The following H3-5 variants were observed in gnomAD, a reference collection of about 807,000 sequenced individuals.
The protein encoded by H3-5 is H3.5 histone, also known as histone H3.3C.
In H3-5, 9 loss-of-function variants were observed where a neutral mutation model predicts 8.8. The observed-to-expected ratio is 1.03, with a 90% CI of 0.62 to 1.79. The LOEUF (loss-of-function observed/expected upper bound fraction) is 1.79, where lower values mean the gene tolerates loss of function less well. Among genes scored for constraint, H3-5 ranks in the 40% most tolerant of loss-of-function variants. The probability of loss-of-function intolerance (pLI) is 0.00; values close to 1 mark genes in which losing one functional copy is unlikely to be tolerated. For synonymous variants in H3-5, 82 were observed against 76.1 expected (o/e 1.08, Z -0.40); for missense variants, 173 against 183.8 (o/e 0.94, Z 0.34).
At position 31,792,250 on chromosome 12, in the gene H3-5, G is replaced by C; in HGVS notation, c.-84C>G. On this transcript the variant is annotated 5_prime_UTR_variant, in exon 1 of 1. Coordinates refer to ENST00000340398, the MANE Select transcript of H3-5 (RefSeq NM_001013699.3). ...CTGCCCGAGGAAGAGCCGCAGTCGCGAGCGAAGAACCGACACTGGTCCAAC... is the reference window on the plus strand; with the variant it reads ...CTGCCCGAGGAAGAGCCGCAGTCGCCAGCGAAGAACCGACACTGGTCCAAC... The C allele has an allele frequency of 2.0e-6, 3 of 1,525,672 alleles. No homozygotes were observed. The highest frequency in any genetic ancestry group is 2.7e-6 in the Non-Finnish European group (3 of 1,129,616). The allele number at this position is 1,525,672 out of a possible 1,614,324, so 94.5% of individuals were successfully genotyped here. A position where few individuals can be genotyped will look rare whatever the true frequency, so the allele number is the denominator to read the frequency against.
In H3-5 at chr12:31,791,784, C is replaced by T. The variant is rs1018998701; in HGVS notation, c.383G>A (p.Arg128His). The T allele has an allele frequency of 6.2e-7, 1 of 1,614,172 alleles. No individual in the cohort carries two copies. Among genetic ancestry groups the T allele is most frequent in the Non-Finnish European group, 8.5e-7 (1 of 1,180,032 alleles). ...TIMPKDIQLA[R>H]RIRGERA ...TTAAGCTCTCTCTCCCCGTATCCGG[C>T]GAGCCAACTGGATGTCTTTGGGCAT... Residue 128 changes from arginine to histidine, a missense_variant, in exon 1 of 1, where the codon CGC becomes CAC. Arg to His is a conservative substitution (Grantham distance 29). Coordinates refer to ENST00000340398, the MANE Select transcript of H3-5 (RefSeq NM_001013699.3).
rs959531675 is a variant in H3-5 at position 31,791,193 on chromosome 12, G to A, written c.*566C>T. Reference sequence around the variant, plus strand: ...ACAAGACTCCCCACCACTTGTGAATGTAAAACATTTAATTTGAAAATGTTG... The same window carrying A: ...ACAAGACTCCCCACCACTTGTGAATATAAAACATTTAATTTGAAAATGTTG... On this transcript the variant is annotated 3_prime_UTR_variant, in exon 1 of 1. Coordinates refer to ENST00000340398, the MANE Select transcript of H3-5 (RefSeq NM_001013699.3). 1 of 153,104 alleles carries A rather than the reference G, an allele frequency of 6.5e-6. No homozygotes were observed. Among genetic ancestry groups the A allele is most frequent in the African/African-American group, 2.4e-5 (1 of 41,374 alleles). The allele number at this position is 153,104 out of a possible 1,614,324, so 9.5% of individuals were successfully genotyped here. A position where few individuals can be genotyped will look rare whatever the true frequency, so the allele number is the denominator to read the frequency against.
At position 31,791,934 on chromosome 12, in the gene H3-5, A is replaced by C; in HGVS notation, c.233T>G (p.Phe78Cys). The change falls in exon 1 of 1, where the codon TTC (phenylalanine) becomes TGC (cysteine). Residue 78 changes from phenylalanine to cysteine, a missense_variant. Coordinates refer to ENST00000340398, the MANE Select transcript of H3-5 (RefSeq NM_001013699.3). ...GCTCTGAAACCTCAGGTCAGTGTTG[A>C]AATCCTGCGCGATCTCCCTCACCAA... ...QRLVREIAQD[F>C]NTDLRFQSAA... 2 of 1,614,156 alleles carry C rather than the reference A, an allele frequency of 1.2e-6. No individual in the cohort carries two copies. The highest frequency in any genetic ancestry group is 1.7e-6 in the Non-Finnish European group (2 of 1,180,042).
Position 31,791,710 on chromosome 12 carries a change from A to G in H3-5, c.*49T>C, listed in dbSNP as rs1363686285. 2 of 1,587,040 alleles carry G rather than the reference A, an allele frequency of 1.3e-6. No individual in the cohort carries two copies. The highest frequency in any genetic ancestry group is 3.6e-5 in the Admixed American group (2 of 55,326). On this transcript the variant is annotated 3_prime_UTR_variant, in exon 1 of 1. Coordinates refer to ENST00000340398, the MANE Select transcript of H3-5 (RefSeq NM_001013699.3). Reference sequence around the variant, plus strand: ...TACAAAAAAAGTCACCAATTAAACCAAAGTATTTTACAGAATTTACTACAA... The same window carrying G: ...TACAAAAAAAGTCACCAATTAAACCGAAGTATTTTACAGAATTTACTACAA...
chr12:31,792,156 G>A lies in H3-5; in HGVS notation c.11C>T (p.Thr4Ile). Residue 4 changes from threonine (T) to isoleucine (I), a missense_variant, in exon 1 of 1, where the codon ACC (threonine) becomes ATC (isoleucine). By Grantham distance (89) the Thr-to-Ile change is moderately conservative. Transcript: ENST00000340398. MAR[T>I]KQTARKSTGG... ...GGTGGATTTACGAGCAGTCTGCTTGGTTCGGGCCATTTTCTTTCACCCAAC... is the reference window on the plus strand; with the variant it reads ...GGTGGATTTACGAGCAGTCTGCTTGATTCGGGCCATTTTCTTTCACCCAAC... The A allele has an allele frequency of 6.2e-7, 1 of 1,612,074 alleles. No individual in the cohort carries two copies. Among genetic ancestry groups the A allele is most frequent in the South Asian group, 1.1e-5 (1 of 91,056 alleles).
Position 31,791,925 on chromosome 12 carries a change from T to G in H3-5, c.242A>C (p.Asp81Ala), listed in dbSNP as rs1232574233. 3 of 1,614,138 alleles carry G rather than the reference T, an allele frequency of 1.9e-6. No homozygotes were observed. In the East Asian group the frequency reaches 6.7e-5, roughly 36 times the overall value. ...VREIAQDFNTDLRFQSAAVGA... is the reference protein window; with the variant it reads ...VREIAQDFNTALRFQSAAVGA... The stretch of plus-strand genomic sequence containing the variant: ...GACGGCTGCGCTCTGAAACCTCAGG[T>G]CAGTGTTGAAATCCTGCGCGATCTC... The change falls in exon 1 of 1, where the codon GAC becomes GCC. Residue 81 changes from aspartate (D) to alanine (A), a missense_variant. Physicochemically the swap from Asp to Ala is moderately radical, Grantham distance 126 (BLOSUM62 -2). Coordinates refer to ENST00000340398, the MANE Select transcript of H3-5 (RefSeq NM_001013699.3).
At position 31,791,812 on chromosome 12, in the gene H3-5, T is replaced by C. The variant is rs757290908; in HGVS notation, c.355A>G (p.Ile119Val). 1.7e-5 allele frequency: 28 copies of C among 1,614,222 alleles called. No homozygotes were observed. The highest frequency in any genetic ancestry group is 2.1e-5 in the Non-Finnish European group (25 of 1,180,044). Residue 119 changes from isoleucine to valine, a missense_variant, in exon 1 of 1, where the codon ATC becomes GTC. Ile to Val is a conservative substitution (Grantham distance 29, BLOSUM62 3). Coordinates refer to ENST00000340398, the MANE Select transcript of H3-5 (RefSeq NM_001013699.3). Reference protein sequence around the residue: ...LCAIHAKRVTIMPKDIQLARR... With the variant: ...LCAIHAKRVTVMPKDIQLARR... ...GCCAACTGGATGTCTTTGGGCATGA[T>C]GGTGACTCTCTTAGCGTGGATGGCA...
rs1298055061 is a variant in H3-5 at position 31,791,311 on chromosome 12, T to A, written c.*448A>T. The A allele has an allele frequency of 6.3e-6, 1 of 159,974 alleles. No homozygotes were observed. Among genetic ancestry groups the A allele is most frequent in the Non-Finnish European group, 1.4e-5 (1 of 73,018 alleles). The allele number at this position is 159,974 out of a possible 1,614,324, so 9.9% of individuals were successfully genotyped here. A position where few individuals can be genotyped will look rare whatever the true frequency, so the allele number is the denominator to read the frequency against. On this transcript the variant is annotated 3_prime_UTR_variant, in exon 1 of 1. Transcript: ENST00000340398. The stretch of plus-strand genomic sequence containing the variant: ...TTTTTTTTTTAAAGGAAACTATAAG[T>A]TACACTGTGGTTAAGGTTTGTATCT...
At position 31,791,873 on chromosome 12, in the gene H3-5, C is replaced by T. The variant is rs541681589; in HGVS notation, c.294G>A (p.Ala98=). The change falls in exon 1 of 1, where the codon GCG becomes GCA. Residue 98 remains alanine, a synonymous_variant. Transcript: ENST00000340398. ...TATCTTCCAACAGACCCACCAGGTA[C>T]GCTTCGCTAGCCTCCTGCAGCGCAC... ...AVGALQEASE[A]YLVGLLEDTN... 7.4e-6 allele frequency: 12 copies of T among 1,614,092 alleles called. No individual in the cohort carries two copies. The highest frequency in any genetic ancestry group is 1.6e-4 in the Middle Eastern group (1 of 6,084).
Position 31,792,223 on chromosome 12 carries a change from C to T in H3-5, c.-57G>A. ...ACTTCTCCGACCTCCGCGCTGCTTC[C>T]GCTGCCCGAGGAAGAGCCGCAGTCG... On this transcript the variant is annotated 5_prime_UTR_variant, in exon 1 of 1. Transcript: ENST00000340398. 1 of 1,568,018 alleles carries T rather than the reference C, an allele frequency of 6.4e-7. No individual in the cohort carries two copies. Among genetic ancestry groups the T allele is most frequent in the South Asian group, 1.2e-5 (1 of 83,890 alleles).
In H3-5 at chr12:31,792,010, G is replaced by T. The variant is rs144139961; in HGVS notation, c.157C>A (p.Arg53Ser). 2.5e-6 allele frequency: 4 copies of T among 1,614,052 alleles called. No individual in the cohort carries two copies. The highest frequency in any genetic ancestry group is 3.4e-6 in the Non-Finnish European group (4 of 1,180,038). ...AGCAGCTCGGTCGACTTCTGATAACGACGAATCTCTCGAAGCGCCACGGTC... is the reference window on the plus strand; with the variant it reads ...AGCAGCTCGGTCGACTTCTGATAACTACGAATCTCTCGAAGCGCCACGGTC... Reference protein sequence around the residue: ...PGTVALREIRRYQKSTELLIR... With the variant: ...PGTVALREIRSYQKSTELLIR... The change falls in exon 1 of 1, where the codon CGT (arginine) becomes AGT (serine). Residue 53 changes from arginine to serine, a missense_variant. Arg to Ser is a moderately radical substitution (Grantham distance 110). Transcript: ENST00000340398.
In H3-5 at chr12:31,791,518, A is replaced by G. The variant is rs1222449541; in HGVS notation, c.*241T>C. On this transcript the variant is annotated 3_prime_UTR_variant, in exon 1 of 1. Transcript: ENST00000340398. Reference sequence around the variant, plus strand: ...AAGTCATTAACATACAGAAACATGCATCATGAGAAGCAAGAAATATCACGC... The same window carrying G: ...AAGTCATTAACATACAGAAACATGCGTCATGAGAAGCAAGAAATATCACGC... 32 of 578,432 alleles carry G rather than the reference A, an allele frequency of 5.5e-5. No individual in the cohort carries two copies. Among genetic ancestry groups the G allele is most frequent in the Non-Finnish European group, 9.8e-5 (32 of 326,950 alleles). 35.8% of individuals were successfully genotyped at this position (578,432 alleles called of 1,614,324 possible). A position where few individuals can be genotyped will look rare whatever the true frequency, so the allele number is the denominator to read the frequency against.
chr12:31,791,672 A>G lies in H3-5; in HGVS notation c.*87T>C. On this transcript the variant is annotated 3_prime_UTR_variant, in exon 1 of 1. Transcript: ENST00000340398. ...AATGACTTAAGTACAAATGCAACAT[A>G]TAAACAATTTCTTACAAAAAAAGTC... is the stretch of plus-strand genomic sequence containing the variant. 6.6e-7 allele frequency: 1 copy of G among 1,505,106 alleles called. No homozygotes were observed. The highest frequency in any genetic ancestry group is 1.3e-5 in the South Asian group (1 of 78,274). 93.2% of individuals were successfully genotyped at this position (1,505,106 alleles called of 1,614,324 possible).
chr12:31,791,920 T>C lies in H3-5; in HGVS notation c.247A>G (p.Arg83Gly). The C allele has an allele frequency of 1.2e-6, 2 of 1,614,116 alleles. No homozygotes were observed. Among genetic ancestry groups the C allele is most frequent in the Non-Finnish European group, 1.7e-6 (2 of 1,180,032 alleles). The change falls in exon 1 of 1, where the codon AGG (arginine) becomes GGG (glycine). Residue 83 changes from arginine to glycine, a missense_variant. Physicochemically the swap from Arg to Gly is moderately radical, Grantham distance 125. Transcript: ENST00000340398. ...GCACCGACGGCTGCGCTCTGAAACCTCAGGTCAGTGTTGAAATCCTGCGCG... is the reference window on the plus strand; with the variant it reads ...GCACCGACGGCTGCGCTCTGAAACCCCAGGTCAGTGTTGAAATCCTGCGCG... ...EIAQDFNTDL[R>G]FQSAAVGALQ...
rs768639345 is a variant in H3-5 at position 31,791,992 on chromosome 12, C to T, written c.175G>A (p.Glu59Lys). ...AAGGGCAGCTTCCGGATGAGCAGCTCGGTCGACTTCTGATAACGACGAATC... is the reference window on the plus strand; with the variant it reads ...AAGGGCAGCTTCCGGATGAGCAGCTTGGTCGACTTCTGATAACGACGAATC... ...REIRRYQKST[E>K]LLIRKLPFQR... The change falls in exon 1 of 1, where the codon GAG becomes AAG. Residue 59 changes from glutamate (E) to lysine (K), a missense_variant. Physicochemically the swap from Glu to Lys is moderately conservative, Grantham distance 56 (BLOSUM62 1). Coordinates refer to ENST00000340398, the MANE Select transcript of H3-5 (RefSeq NM_001013699.3). 1.9e-6 allele frequency: 3 copies of T among 1,614,156 alleles called. No homozygotes were observed. The Admixed American group carries it at 5.0e-5, about 27-fold the overall frequency.
rs1940972370 is a variant in H3-5 at position 31,791,445 on chromosome 12, C to T, written c.*314G>A. 3 of 388,440 alleles carry T rather than the reference C, an allele frequency of 7.7e-6. No homozygotes were observed. Among genetic ancestry groups the T allele is most frequent in the South Asian group, 6.2e-5 (2 of 32,072 alleles). The allele number at this position is 388,440 out of a possible 1,614,324, so 24.1% of individuals were successfully genotyped here. A position where few individuals can be genotyped will look rare whatever the true frequency, so the allele number is the denominator to read the frequency against. ...CATAACCAGTTTTATTGCAAAAGGA[C>T]CCTGTTGTACACATTTATCAATTCT... On this transcript the variant is annotated 3_prime_UTR_variant, in exon 1 of 1. Coordinates refer to ENST00000340398, the MANE Select transcript of H3-5 (RefSeq NM_001013699.3).
In H3-5 at chr12:31,792,219, C is replaced by T. The variant is rs1940985800; in HGVS notation, c.-53G>A. On this transcript the variant is annotated 5_prime_UTR_variant, in exon 1 of 1. Coordinates refer to ENST00000340398, the MANE Select transcript of H3-5 (RefSeq NM_001013699.3). The stretch of plus-strand genomic sequence containing the variant: ...GGCCACTTCTCCGACCTCCGCGCTG[C>T]TTCCGCTGCCCGAGGAAGAGCCGCA... 2 of 1,570,292 alleles carry T rather than the reference C, an allele frequency of 1.3e-6. No individual in the cohort carries two copies. Among genetic ancestry groups the T allele is most frequent in the South Asian group, 1.2e-5 (1 of 84,310 alleles).
Position 31,791,389 on chromosome 12 carries a change from C to T in H3-5, c.*370G>A. 3.9e-6 allele frequency: 1 copy of T among 254,766 alleles called. No individual in the cohort carries two copies. The highest frequency in any genetic ancestry group is 5.5e-5 in the South Asian group (1 of 18,310). 15.8% of individuals were successfully genotyped at this position (254,766 alleles called of 1,614,324 possible). On this transcript the variant is annotated 3_prime_UTR_variant, in exon 1 of 1. Coordinates refer to ENST00000340398, the MANE Select transcript of H3-5 (RefSeq NM_001013699.3). ...CACAGTGATGTATGGTCAGACTTAA[C>T]AGCCCCAATTGTTAAACACTTGGAT...
In H3-5 at chr12:31,792,045, T is replaced by C. The variant is rs1565800969; in HGVS notation, c.122A>G (p.Tyr41Cys). 2 of 1,614,162 alleles carry C rather than the reference T, an allele frequency of 1.2e-6. No homozygotes were observed. The highest frequency in any genetic ancestry group is 1.1e-5 in the South Asian group (1 of 91,088). Reference protein sequence around the residue: ...PSTCGVKPHRYRPGTVALREI... With the variant: ...PSTCGVKPHRCRPGTVALREI... Reference sequence around the variant, plus strand: ...TCGAAGCGCCACGGTCCCAGGCCTGTAGCGATGAGGCTTCACCCCGCAGGT... The same window carrying C: ...TCGAAGCGCCACGGTCCCAGGCCTGCAGCGATGAGGCTTCACCCCGCAGGT... Residue 41 changes from tyrosine to cysteine, a missense_variant, in exon 1 of 1, where the codon TAC (tyrosine) becomes TGC (cysteine). Coordinates refer to ENST00000340398, the MANE Select transcript of H3-5 (RefSeq NM_001013699.3).
Sources: gnomAD v4.1 joint callset for allele counts on GRCh38, gnomAD v4.1.1 for gene constraint, MANE v1.5 for transcripts, NCBI Gene and HGNC (gene_info 2026-07-23, HGNC 2026-07-21) for gene names.